The following CCDC18 variants were observed in gnomAD, a reference collection of about 807,000 sequenced individuals.
The protein encoded by CCDC18 is coiled-coil domain-containing protein 18.
Under a neutral mutation model 196.0 loss-of-function variants are expected in CCDC18, and 157 were observed. That is an observed-to-expected ratio of 0.80 (90% confidence interval 0.70 to 0.91). The LOEUF is 0.91. Ranked by LOEUF, CCDC18 falls within the 40% of genes least tolerant of loss-of-function variation. The probability of loss-of-function intolerance (pLI) is 0.00; values close to 1 mark genes in which losing one functional copy is unlikely to be tolerated. For missense variants in CCDC18, 1,465 were observed against 1,611.6 expected (o/e 0.91, Z 1.56); for synonymous variants, 482 against 529.2 (o/e 0.91, Z 1.22).
intron 17 of CCDC18, among the ~76,000 whole-genome samples, chr1:93,231,337 C>T (rs1319285461): frequency 1.4e-4 from 21 of 152,130 alleles, no homozygotes; most frequent in Non-Finnish European, 2.6e-4. Flanking sequence ...ACAGCCCATT[C>T]TCTAATACTT....
intron 4 of CCDC18, chr1:93,191,040 G>T: frequency 1.1e-6 from 1 of 890,640 alleles, no homozygotes; most frequent in Non-Finnish European, 1.8e-6. Flanking sequence ...AAGTCCTGCA[G>T]GTTTTAGGAA....
At chr1:93,267,851 G>A (rs1557715430) in intron 27 of CCDC18, among the ~76,000 whole-genome samples, 1 of 152,140 alleles carries the variant, frequency 6.6e-6, no homozygotes, top group African/African-American at 2.4e-5. Context: ...AATGAAAATG[G>A]CCATACTGCC....
chr1:93,271,623 C>T, intron 28 of CCDC18: 1 of 865,084 alleles, frequency 1.2e-6, no homozygotes, highest in Non-Finnish European at 1.4e-6. Flanking sequence ...TTATTTGAGC[C>T]CAGGAGTTTG....
chr1:93,183,926 G>T lies in CCDC18; in HGVS notation c.135-52G>T, dbSNP rs374297579. 4 of 1,164,914 alleles carry T rather than the reference G, an allele frequency of 3.4e-6. No individual in the cohort carries two copies. The Admixed American group carries it at 1.0e-4, about 30-fold the overall frequency. The allele number at this position is 1,164,914 out of a possible 1,614,324, so 72.2% of individuals were successfully genotyped here. ...TTTCTTATTTAATGTATAGCAATTT[G>T]TAGTGAATAAACTATCCAAGAACTG... On this transcript the variant is annotated intron_variant, in intron 2 of 28. Coordinates refer to ENST00000690025, the MANE Select transcript of CCDC18 (RefSeq NM_001378204.1).
At chr1:93,188,231 A>G (rs1442905032) in intron 4 of CCDC18, among the ~76,000 whole-genome samples, 1 of 152,078 alleles carries the variant, frequency 6.6e-6, no homozygotes, top group African/African-American at 2.4e-5. Flanking sequence ...CACTATTGAG[A>G]CTGTTTTGCA....
At chr1:93,208,061 GA>G (rs1654991976) in intron 9 of CCDC18, among the ~76,000 whole-genome samples, 1 of 152,086 alleles carries the variant, frequency 6.6e-6, no homozygotes, top group Non-Finnish European at 1.5e-5. Context: ...GGGATATTAT[GA>G]ATAATGCTGC....
intron 15 of CCDC18, 26 bp downstream of exon 15, chr1:93,221,769 A>AT: frequency 6.3e-7 from 1 of 1,596,942 alleles, no homozygotes; most frequent in Non-Finnish European, 8.5e-7. Context: ...TAAAAGTGCT[A>AT]TTTAGAAGTT....
At chr1:93,191,420 C>T (rs1651781746) in intron 4 of CCDC18, among the ~76,000 whole-genome samples, 1 of 152,284 alleles carries the variant, frequency 6.6e-6, no homozygotes, top group Middle Eastern at 3.4e-3. Context: ...ATTGGGTCCT[C>T]ACTTCTGCCC....
intron 25 of CCDC18, 50 bp downstream of exon 25, chr1:93,256,588 A>T (rs1392017787): frequency 6.8e-7 from 1 of 1,476,614 alleles, no homozygotes; most frequent in Non-Finnish European, 9.4e-7. Flanking sequence ...TACAAATATT[A>T]GCATTTTTTT....
At chr1:93,235,646 T>C (rs1659978249) in intron 18 of CCDC18, among the ~76,000 whole-genome samples, 1 of 152,120 alleles carries the variant, frequency 6.6e-6, no homozygotes, top group Non-Finnish European at 1.5e-5. Flanking sequence ...GGAAAGTCTT[T>C]TAACATGTTT....
intron 17 of CCDC18, among the ~76,000 whole-genome samples, chr1:93,230,612 AT>A (rs1207700915): frequency 6.6e-6 from 1 of 152,224 alleles, no homozygotes; most frequent in Non-Finnish European, 1.5e-5. Context: ...AATTTTAGCT[AT>A]TTCAATATAT....
intron 9 of CCDC18, among the ~76,000 whole-genome samples, chr1:93,208,961 G>C (rs915144536): frequency 6.6e-6 from 1 of 151,888 alleles, no homozygotes; most frequent in Non-Finnish European, 1.5e-5. Context: ...ACCATGCCCG[G>C]CCTTTTATTT....
At chr1:93,184,716 C>T (rs1316666703) in intron 3 of CCDC18, among the ~76,000 whole-genome samples, 3 of 151,898 alleles carry the variant, frequency 2.0e-5, no homozygotes, top group African/African-American at 7.2e-5. Flanking sequence ...TTTGTTCCCC[C>T]GACTCCCTAC....
intron 21 of CCDC18, among the ~76,000 whole-genome samples, chr1:93,244,510 G>A (rs1455751312): frequency 6.6e-6 from 1 of 152,124 alleles, no homozygotes; most frequent in Non-Finnish European, 1.5e-5. Context: ...TTCAGAATTG[G>A]CAAATTCATA....
rs1317373309 is a variant in CCDC18 at position 93,264,814 on chromosome 1, A to G, written c.3798A>G (p.Glu1266=). The G allele has an allele frequency of 1.2e-6, 2 of 1,613,568 alleles. No homozygotes were observed. Among genetic ancestry groups the G allele is most frequent in the Non-Finnish European group, 1.7e-6 (2 of 1,179,586 alleles). The change falls in exon 27 of 29, where the codon GAA becomes GAG. Residue 1266 remains glutamate (E), a synonymous_variant. Transcript: ENST00000690025. ...AGAAGGCAAAATTGGAATTAGAAGAAGCTCAGGATACTGTAAGCAATTTGC... is the reference window on the plus strand; with the variant it reads ...AGAAGGCAAAATTGGAATTAGAAGAGGCTCAGGATACTGTAAGCAATTTGC... ...QLEKAKLELE[E]AQDTVSNLHQ...
Position 93,180,746 on chromosome 1 carries a change from G to T in CCDC18, c.-109G>T, listed in dbSNP as rs746940418. On this transcript the variant is annotated 5_prime_UTR_variant, in exon 1 of 29. Transcript: ENST00000690025. The stretch of plus-strand genomic sequence containing the variant: ...GGCGGTTCGAATTCTGTGCTGCCGG[G>T]GTTCGCTGGTTCTCCGAGTTGTGTC... 3 of 1,366,884 alleles carry T rather than the reference G, an allele frequency of 2.2e-6. No homozygotes were observed. In the African/African-American group the frequency reaches 4.4e-5, roughly 20 times the overall value. The allele number at this position is 1,366,884 out of a possible 1,614,324, so 84.7% of individuals were successfully genotyped here.
chr1:93,260,850 T>C (rs758969728), intron 26 of CCDC18, among the ~76,000 whole-genome samples: 6 of 152,180 alleles, frequency 3.9e-5, no homozygotes, highest in Non-Finnish European at 7.4e-5. Context: ...CTCCCACTTA[T>C]GAGTGAGAAC....
intron 17 of CCDC18, among the ~76,000 whole-genome samples, chr1:93,227,055 G>T (rs1658464883): frequency 6.6e-6 from 1 of 151,544 alleles, no homozygotes; most frequent in Admixed American, 6.6e-5. Context: ...AGATTTAGAG[G>T]TTTAAAATTC....
At chr1:93,232,348 G>A (rs1481262322) in intron 17 of CCDC18, 78 bp from the exon 18 acceptor site, 1 of 823,544 alleles carries the variant, frequency 1.2e-6, no homozygotes, top group South Asian at 1.9e-5. Flanking sequence ...ATCTAATAAG[G>A]AGGACAGCTT....
Sources: allele counts gnomAD v4.1 joint callset (sites outside exome capture counted in the v4.1 genomes callset), GRCh38; gene constraint gnomAD v4.1.1; transcripts MANE v1.5; gene names NCBI Gene and HGNC (gene_info 2026-07-23, HGNC 2026-07-21).